Variants in TBC1D14 observed in about 807,000 individuals in gnomAD.
TBC1D14 encodes TBC1 domain family, member 14.
TBC1D14 carries 26 observed loss-of-function variants against 79.0 expected under a neutral mutation model. The observed-to-expected ratio is 0.33, with a 90% confidence interval of 0.24 to 0.46. The LOEUF is 0.46. Among genes scored for constraint, TBC1D14 ranks in the 20% least tolerant of loss-of-function variants. The pLI, the probability that TBC1D14 is intolerant of heterozygous loss-of-function variation, is 1.00. For missense variants in TBC1D14, 769 were observed against 887.6 expected (o/e 0.87, Z 1.70); for synonymous variants, 394 against 349.9 (o/e 1.13, Z -1.40).
intron 5 of TBC1D14, 176 bp from the exon 6 acceptor site, chr4:6,998,909 G>A (rs549021161): frequency 8.4e-6 from 5 of 597,478 alleles, no homozygotes; most frequent in African/African-American, 5.6e-5. Context: ...CTAAAGGGTG[G>A]ATAATGCCTG....
chr4:7,030,623 C>A lies in TBC1D14; in HGVS notation c.*231C>A. 2.2e-6 allele frequency: 1 copy of A among 463,716 alleles called. No individual in the cohort carries two copies. 28.7% of individuals were successfully genotyped at this position (463,716 alleles called of 1,614,324 possible). A position where few individuals can be genotyped will look rare whatever the true frequency, so the allele number is the denominator to read the frequency against. ...ATGAGCTGCTGCGGACCACAGCCAG[C>A]CACTGCATCTGCTGCACAGTTGAAC... On this transcript the variant is annotated 3_prime_UTR_variant, in exon 14 of 14. Transcript: ENST00000409757.
chr4:7,029,958 G>A lies in TBC1D14; in HGVS notation c.2017-369G>A, dbSNP rs572382617. Among the ~76,000 whole-genome samples the A allele has an allele frequency of 3.9e-5, 6 of 152,334 alleles. No individual in the cohort carries two copies. The South Asian group carries it at 1.2e-3, about 32-fold the overall frequency. On this transcript the variant is annotated intron_variant, in intron 13 of 13. Coordinates refer to ENST00000409757, the MANE Select transcript of TBC1D14 (RefSeq NM_020773.3). ...TTCTCAGGTGGCAGGCTTCCTGGTGGAGGAGGAACAGGGTGGCAGGAGTGC... is the reference window on the plus strand; with the variant it reads ...TTCTCAGGTGGCAGGCTTCCTGGTGAAGGAGGAACAGGGTGGCAGGAGTGC...
rs149641350 is a variant in TBC1D14 at position 7,032,433 on chromosome 4, T to G, written c.*2041T>G. On this transcript the variant is annotated 3_prime_UTR_variant, in exon 14 of 14. Transcript: ENST00000409757. ...TCAGATTGCCCCTGGGGATCTTCTG[T>G]GTCTTCAGCGCCCAGCCCTGCGTGT... The G allele has an allele frequency of 1.3e-5, 2 of 152,698 alleles. No homozygotes were observed. Among genetic ancestry groups the G allele is most frequent in the African/African-American group, 2.4e-5 (1 of 41,462 alleles). The allele number at this position is 152,698 out of a possible 1,614,324, so 9.5% of individuals were successfully genotyped here. A position where few individuals can be genotyped will look rare whatever the true frequency, so the allele number is the denominator to read the frequency against.
In TBC1D14 at chr4:7,012,162, C is replaced by G. The variant is rs547512225; in HGVS notation, c.1647+1381C>G. On this transcript the variant is annotated intron_variant, in intron 11 of 13. Coordinates refer to ENST00000409757, the MANE Select transcript of TBC1D14 (RefSeq NM_020773.3). ...TAAAAATACAAAATAATTAGCTGGG[C>G]GTGGTGGCAGGCGCCTGTAGTCCCA... 7.0e-4 allele frequency among the ~76,000 whole-genome samples: 107 copies of G among 152,010 alleles called. 1 individual carries two copies. The highest frequency in any genetic ancestry group is 2.5e-3 in the African/African-American group (103 of 41,508).
At chr4:7,030,178 G>T (rs553941789) in intron 13 of TBC1D14, 149 bp from the exon 14 acceptor site, 5 of 671,316 alleles carry the variant, frequency 7.4e-6, no homozygotes, top group Non-Finnish European at 1.1e-5. Context: ...CACGAAGGAC[G>T]TAGGAGTGGA....
chr4:6,939,886 G>A (rs988215827), intron 2 of TBC1D14, among the ~76,000 whole-genome samples: 3 of 152,218 alleles, frequency 2.0e-5, no homozygotes, highest in Non-Finnish European at 2.9e-5. Context: ...GTGTTCTTCC[G>A]AAGGACACAG....
At chr4:6,980,102 A>AGG (rs1560303853) in intron 3 of TBC1D14, among the ~76,000 whole-genome samples, 62 of 152,344 alleles carry the variant, frequency 4.1e-4, no homozygotes, top group African/African-American at 1.4e-3. Context: ...AGCAGAATAC[A>AGG]GTTTTTTCAA....
At chr4:6,926,139 C>T (rs562779000) in intron 2 of TBC1D14, among the ~76,000 whole-genome samples, 2 of 152,276 alleles carry the variant, frequency 1.3e-5, no homozygotes, top group African/African-American at 4.8e-5. Context: ...TGACGAACGC[C>T]ACACGCTCAC....
chr4:6,917,306 AATG>A (rs1236724871), intron 1 of TBC1D14, among the ~76,000 whole-genome samples: 1 of 152,324 alleles, frequency 6.6e-6, no homozygotes, highest in East Asian at 1.9e-4. Flanking sequence ...AGTTCCCAGA[AATG>A]ATGAGAGCTG....
chr4:6,976,677 C>T (rs1269280750), intron 3 of TBC1D14, among the ~76,000 whole-genome samples: 1 of 152,082 alleles, frequency 6.6e-6, no homozygotes, highest in Non-Finnish European at 1.5e-5. Context: ...GATAGAAGGG[C>T]CTGTATGCTA....
At chr4:6,913,401 C>A (rs952227313) in intron 1 of TBC1D14, among the ~76,000 whole-genome samples, 1 of 152,158 alleles carries the variant, frequency 6.6e-6, no homozygotes, top group African/African-American at 2.4e-5. Context: ...GTGAATATAC[C>A]TTTTGGGCAA....
intron 2 of TBC1D14, among the ~76,000 whole-genome samples, chr4:6,964,444 A>G (rs572700082): frequency 2.0e-4 from 30 of 152,176 alleles, no homozygotes; most frequent in African/African-American, 7.0e-4. Flanking sequence ...GAGACAGACA[A>G]CGCCTCTTCA....
chr4:6,911,633 C>T (rs1195046611), intron 1 of TBC1D14, among the ~76,000 whole-genome samples: 5 of 152,258 alleles, frequency 3.3e-5, no homozygotes, highest in South Asian at 2.1e-4. Context: ...CCCCACTCCC[C>T]GTTTAGTGGG....
chr4:6,970,447 G>T (rs963477856), intron 3 of TBC1D14, among the ~76,000 whole-genome samples: 1 of 152,250 alleles, frequency 6.6e-6, no homozygotes, highest in African/African-American at 2.4e-5. Flanking sequence ...AGTATTTGCT[G>T]TTACCGTTGT....
chr4:6,953,629 CAAA>C (rs750667631), intron 2 of TBC1D14, among the ~76,000 whole-genome samples: 30 of 55,050 alleles, frequency 5.4e-4, no homozygotes, highest in South Asian at 2.6e-3. Context: ...GACTCCGTCT[CAAA>C]AAAAAAAAAA....
At chr4:7,018,435 G>A (rs541590643) in intron 12 of TBC1D14, among the ~76,000 whole-genome samples, 57 of 152,192 alleles carry the variant, frequency 3.7e-4, no homozygotes, top group Admixed American at 2.7e-3. Flanking sequence ...GCTCCCCACC[G>A]CCCCAGCTCC....
intron 13 of TBC1D14, among the ~76,000 whole-genome samples, chr4:7,028,386 G>C (rs897816323): frequency 6.6e-6 from 1 of 152,016 alleles, no homozygotes; most frequent in East Asian, 1.9e-4. Context: ...TCTGATGATG[G>C]GGGTGGGGGG....
intron 2 of TBC1D14, among the ~76,000 whole-genome samples, chr4:6,958,889 A>T (rs1475369211): frequency 1.1e-4 from 16 of 147,978 alleles, no homozygotes; most frequent in African/African-American, 2.5e-5. Flanking sequence ...GGATGGTAGC[A>T]TTTTTTTTTT....
chr4:6,949,682 C>CAA (rs10657086), intron 2 of TBC1D14, among the ~76,000 whole-genome samples: 106,309 of 138,204 alleles, frequency 0.77, 41,174 homozygotes, highest in East Asian at 0.95. Flanking sequence ...GACTCCGTCT[C>CAA]AAAAAAAAAA....
Sources: gnomAD v4.1 joint callset for allele counts (sites outside exome capture counted in the v4.1 genomes callset) on GRCh38, gnomAD v4.1.1 for gene constraint, MANE v1.5 for transcripts, NCBI Gene and HGNC (gene_info 2026-07-23, HGNC 2026-07-21) for gene names.